The following JAK1 variants were observed in gnomAD, a reference collection of about 807,000 sequenced individuals.
JAK1 encodes tyrosine-protein kinase JAK1.
In JAK1, 16 loss-of-function variants were observed where a neutral mutation model predicts 136.6. That is an observed-to-expected ratio of 0.12 (90% CI 0.08 to 0.18). The LOEUF is 0.18. Ranked by LOEUF, JAK1 falls within the 10% of genes least tolerant of loss-of-function variation. The pLI is 1.00. For synonymous variants in JAK1, 492 were observed against 519.5 expected, an observed-to-expected ratio of 0.95 and a Z score of 0.72; for missense variants, 859 against 1,450.1, an observed-to-expected ratio of 0.59 and a Z score of 6.62.
intron 1 of JAK1, among the ~76,000 whole-genome samples, chr1:64,960,903 G>A (rs1646271871): frequency 6.6e-6 from 1 of 152,192 alleles, no homozygotes; most frequent in East Asian, 1.9e-4. Context: ...ATACTGTGCT[G>A]TGATTAACAA....
intron 1 of JAK1, among the ~76,000 whole-genome samples, chr1:65,051,093 T>A (rs1265788286): frequency 6.6e-6 from 1 of 152,138 alleles, no homozygotes; most frequent in Non-Finnish European, 1.5e-5. Context: ...CTGTAAATTA[T>A]GCAGGGGATA....
Position 64,966,520 on chromosome 1 carries a change from G to C in JAK1, c.-265C>G, listed in dbSNP as rs1168189827. ...ACTGTCTGCAGCTCCAGGATACTCCGCGGCCGCCGCGGCCTGCGCTCAGCG... is the reference window on the plus strand; with the variant it reads ...ACTGTCTGCAGCTCCAGGATACTCCCCGGCCGCCGCGGCCTGCGCTCAGCG... On this transcript the variant is annotated 5_prime_UTR_variant, in exon 1 of 25. Coordinates refer to ENST00000342505, the MANE Select transcript of JAK1 (RefSeq NM_002227.4). The C allele has an allele frequency of 6.7e-6, 1 of 150,028 alleles. No individual in the cohort carries two copies. Among genetic ancestry groups the C allele is most frequent in the Non-Finnish European group, 1.5e-5 (1 of 67,290 alleles). 9.3% of individuals were successfully genotyped at this position (150,028 alleles called of 1,614,324 possible). A position where few individuals can be genotyped will look rare whatever the true frequency, so the allele number is the denominator to read the frequency against.
intron 2 of JAK1, among the ~76,000 whole-genome samples, chr1:65,033,347 T>C (rs536500401): frequency 6.6e-6 from 1 of 152,074 alleles, no homozygotes; most frequent in African/African-American, 2.4e-5. Context: ...AACAATAAAA[T>C]TTTAAAATTT....
At chr1:64,836,333 CTG>C in intron 22 of JAK1, 118 bp from the exon 23 acceptor site, 1 of 700,948 alleles carries the variant, frequency 1.4e-6, no homozygotes, top group Non-Finnish European at 2.6e-6. Flanking sequence ...CAGCATCTGA[CTG>C]TGTATTATAT....
intron 23 of JAK1, 22 bp downstream of exon 23, chr1:64,836,076 T>G (rs753424110): frequency 1.5e-6 from 2 of 1,356,294 alleles, no homozygotes; most frequent in Non-Finnish European, 2.1e-6. Flanking sequence ...TGGATTCAAA[T>G]GAAGAGAAAA....
At chr1:64,936,976 C>CA (rs1557706699) in intron 1 of JAK1, among the ~76,000 whole-genome samples, 1 of 148,568 alleles carries the variant, frequency 6.7e-6, no homozygotes, top group Non-Finnish European at 1.5e-5. Context: ...AGTGCATTTA[C>CA]AATCATCCTA....
chr1:65,002,913 C>G (rs1302011523), intron 2 of JAK1, among the ~76,000 whole-genome samples: 1 of 152,234 alleles, frequency 6.6e-6, no homozygotes, highest in Non-Finnish European at 1.5e-5. Context: ...CTTCCAGGTC[C>G]CGGCGGGGAA....
In JAK1 at chr1:64,882,803, G is replaced by A. The variant is rs926399051; in HGVS notation, c.205+474C>T. 2.6e-4 allele frequency among the ~76,000 whole-genome samples: 39 copies of A among 152,276 alleles called. 9 individuals are homozygous for A. The highest frequency in any genetic ancestry group is 4.1e-4 in the South Asian group (2 of 4,822). On this transcript the variant is annotated intron_variant, in intron 3 of 24. Coordinates refer to ENST00000342505, the MANE Select transcript of JAK1 (RefSeq NM_002227.4). The stretch of plus-strand genomic sequence containing the variant: ...GCTTCTCACTTCAACTCAGCACCAC[G>A]CATGGGAGGGCAGTCACGGCAGCAG...
chr1:64,877,408 G>C (rs1644690299), intron 4 of JAK1, among the ~76,000 whole-genome samples: 1 of 152,038 alleles, frequency 6.6e-6, no homozygotes, highest in Non-Finnish European at 1.5e-5. Context: ...ACAGAGTCAA[G>C]GTGCTAAAAG....
At chr1:64,935,703 C>G (rs1310285860) in intron 1 of JAK1, among the ~76,000 whole-genome samples, 2 of 152,212 alleles carry the variant, frequency 1.3e-5, no homozygotes, top group Middle Eastern at 3.2e-3. Flanking sequence ...GTTTATCCAG[C>G]CTTTCCTGCT....
At chr1:64,883,120 G>A (rs1644800008) in intron 3 of JAK1, among the ~76,000 whole-genome samples, 157 bp downstream of exon 3, 1 of 152,172 alleles carries the variant, frequency 6.6e-6, no homozygotes, top group Admixed American at 6.5e-5. Context: ...CTGGCCTAAG[G>A]TCACGTGCAA....
chr1:65,065,614 G>A (rs1196580207), intron 1 of JAK1, among the ~76,000 whole-genome samples: 2 of 151,350 alleles, frequency 1.3e-5, no homozygotes, highest in Admixed American at 6.6e-5. Flanking sequence ...TTGGGTCCCT[G>A]CTCTTCCTCT....
At chr1:64,877,699 A>G (rs1644694821) in intron 4 of JAK1, among the ~76,000 whole-genome samples, 1 of 152,206 alleles carries the variant, frequency 6.6e-6, no homozygotes, top group African/African-American at 2.4e-5. Flanking sequence ...CTCTGAGCTG[A>G]GTACAGAAAC....
intron 4 of JAK1, among the ~76,000 whole-genome samples, chr1:64,875,290 A>T: frequency 6.6e-6 from 1 of 152,238 alleles, no homozygotes; most frequent in Non-Finnish European, 1.5e-5. Context: ...TGGACCATGC[A>T]AAGCAGGCAG....
intron 2 of JAK1, among the ~76,000 whole-genome samples, chr1:65,011,830 G>C (rs946508764): frequency 6.6e-6 from 1 of 152,194 alleles, no homozygotes; most frequent in Non-Finnish European, 1.5e-5. Context: ...TTGATCCCAG[G>C]AGTAAATCCC....
At position 64,843,961 on chromosome 1, in the gene JAK1, T is replaced by C. The variant is rs2100988737; in HGVS notation, c.2403+103A>G. 1.4e-5 allele frequency: 19 copies of C among 1,332,146 alleles called. 1 individual carries two copies. In the South Asian group the frequency reaches 2.3e-4, roughly 16 times the overall value. 82.5% of individuals were successfully genotyped at this position (1,332,146 alleles called of 1,614,324 possible). On this transcript the variant is annotated intron_variant, in intron 17 of 24. Coordinates refer to ENST00000342505, the MANE Select transcript of JAK1 (RefSeq NM_002227.4). The stretch of plus-strand genomic sequence containing the variant: ...AGGCCCGTGAAGAGATTCAAACCCA[T>C]GCCCATCTCTTCCCACAGTGCCAGG...
At chr1:64,847,265 C>T (rs1655293930) in intron 13 of JAK1, among the ~76,000 whole-genome samples, 2 of 149,716 alleles carry the variant, frequency 1.3e-5, no homozygotes, top group South Asian at 2.1e-4. Context: ...CTCCACAGCA[C>T]AGCCACCTGG....
intron 1 of JAK1, among the ~76,000 whole-genome samples, chr1:64,949,602 T>C (rs1030220517): frequency 3.3e-5 from 5 of 152,250 alleles, no homozygotes; most frequent in African/African-American, 1.2e-4. Flanking sequence ...GTATCTGCCT[T>C]TATGATAAGG....
chr1:64,975,357 C>T (rs1160708103), intron 2 of JAK1, among the ~76,000 whole-genome samples: 1 of 152,238 alleles, frequency 6.6e-6, no homozygotes, highest in Non-Finnish European at 1.5e-5. Flanking sequence ...GAGGCAACAG[C>T]TGGGGCTGTC....
Sources: gnomAD v4.1 joint callset for allele counts (sites outside exome capture counted in the v4.1 genomes callset) on GRCh38, gnomAD v4.1.1 for gene constraint, MANE v1.5 for transcripts, NCBI Gene and HGNC (gene_info 2026-07-23, HGNC 2026-07-21) for gene names.